Variants in DZANK1 observed in about 807,000 individuals in gnomAD.
DZANK1 encodes double zinc ribbon and ankyrin repeat-containing protein 1.
In DZANK1, 91 loss-of-function variants were observed where a neutral mutation model predicts 94.5. That is an observed-to-expected ratio of 0.96 (90% CI 0.81 to 1.15). The LOEUF (loss-of-function observed/expected upper bound fraction) is 1.15, where lower values mean the gene tolerates loss of function less well. Ranked by LOEUF, DZANK1 falls within the 50% of genes most tolerant of loss-of-function variation. The pLI is 0.00. For missense variants in DZANK1, 903 were observed against 916.4 expected, an observed-to-expected ratio of 0.99 and a Z score of 0.19; for synonymous variants, 312 against 325.3, an observed-to-expected ratio of 0.96 and a Z score of 0.44.
At chr20:18,430,770 T>A (rs568620646) in intron 9 of DZANK1, among the ~76,000 whole-genome samples, 2 of 152,236 alleles carry the variant, frequency 1.3e-5, no homozygotes, top group Admixed American at 1.3e-4. Flanking sequence ...GCCATGATCG[T>A]GCCACTGCAC....
In DZANK1 at chr20:18,451,065, C is replaced by A. The variant is rs536933299; in HGVS notation, c.543+1550G>T. Among the ~76,000 whole-genome samples, 4 of 152,302 alleles carry A rather than the reference C, an allele frequency of 2.6e-5. No individual in the cohort carries two copies. The East Asian group carries it at 7.7e-4, about 29-fold the overall frequency. On this transcript the variant is annotated intron_variant, in intron 6 of 20. Coordinates refer to ENST00000262547, the Ensembl canonical transcript of DZANK1. ...AGTTCAAGCGATTCTTCTGCCTCAG[C>A]CTCCCGAGTAGCTGGGACTACAGGT...
chr20:18,408,131 C>A (rs2057050866), intron 13 of DZANK1, among the ~76,000 whole-genome samples: 1 of 152,098 alleles, frequency 6.6e-6, no homozygotes, highest in South Asian at 2.1e-4. Flanking sequence ...GCCTGGCCAA[C>A]AGGGTGAAAC....
At chr20:18,451,440 C>T (rs2059098023) in intron 6 of DZANK1, among the ~76,000 whole-genome samples, 1 of 152,172 alleles carries the variant, frequency 6.6e-6, no homozygotes, top group Non-Finnish European at 1.5e-5. Flanking sequence ...GCTCCTCCTC[C>T]CCTGCTCAAC....
At chr20:18,437,691 C>T (rs555624913) in intron 8 of DZANK1, among the ~76,000 whole-genome samples, 11 of 151,950 alleles carry the variant, frequency 7.2e-5, no homozygotes, top group Non-Finnish European at 1.6e-4. Context: ...TGTGATATAC[C>T]CCATCTTCCA....
At chr20:18,454,024 C>T in intron 4 of DZANK1, 197 bp from the exon 5 acceptor site, 1 of 684,242 alleles carries the variant, frequency 1.5e-6, no homozygotes, top group Non-Finnish European at 2.7e-6. Context: ...GCTGGCAGCA[C>T]ATCTGGATGT....
intron 9 of DZANK1, among the ~76,000 whole-genome samples, chr20:18,429,621 A>T (rs2058199755): frequency 6.6e-6 from 1 of 152,148 alleles, no homozygotes; most frequent in African/African-American, 2.4e-5. Flanking sequence ...CATGGTTTAC[A>T]TTAGGGTCCA....
intron 12 of DZANK1, among the ~76,000 whole-genome samples, chr20:18,413,458 T>C (rs1344349884): frequency 6.6e-6 from 1 of 152,160 alleles, no homozygotes; most frequent in African/African-American, 2.4e-5. Flanking sequence ...AGTGGCAGTT[T>C]AGGATTTAAA....
intron 1 of DZANK1, among the ~76,000 whole-genome samples, chr20:18,466,551 C>T (rs1403176981): frequency 6.6e-6 from 1 of 152,150 alleles, no homozygotes. Context: ...GAGACTTGCC[C>T]ATAGTCGCAT....
intron 19 of DZANK1, among the ~76,000 whole-genome samples, chr20:18,388,025 G>A (rs866215022): frequency 1.7e-4 from 26 of 152,338 alleles, no homozygotes; most frequent in African/African-American, 6.3e-4. Context: ...CTATGGGGCA[G>A]AGGCTGGGCT....
At chr20:18,436,004 A>G (rs543687594) in intron 8 of DZANK1, among the ~76,000 whole-genome samples, 1 of 152,246 alleles carries the variant, frequency 6.6e-6, no homozygotes, top group African/African-American at 2.4e-5. Flanking sequence ...TCAAGAAAAA[A>G]CTTATGAGAC....
At chr20:18,433,541 C>CA (rs112253557) in intron 9 of DZANK1, 111 bp downstream of exon 9, 98,457 of 740,970 alleles carry the variant, frequency 0.13, 84 homozygotes, top group Non-Finnish European at 0.14. Context: ...GATTCTGTCT[C>CA]AAAAAAAAAA....
chr20:18,465,360 TTCTCTCTC>T, exon 2 of DZANK1: 3 of 1,014,848 alleles, frequency 3.0e-6, no homozygotes, highest in Non-Finnish European at 2.8e-6. Flanking sequence ...AGCAGTCATT[TTCTCTCTC>T]TCTCTCTCTC....
At chr20:18,393,889 G>A (rs373542823) in intron 16 of DZANK1, 78 bp from the exon 17 acceptor site, 19 of 990,380 alleles carry the variant, frequency 1.9e-5, no homozygotes, top group South Asian at 8.7e-5. Flanking sequence ...TTACTTCCAC[G>A]TCCCTCAAAA....
chr20:18,399,178 G>C (rs926957629), intron 13 of DZANK1, among the ~76,000 whole-genome samples: 9 of 151,484 alleles, frequency 5.9e-5, no homozygotes, highest in African/African-American at 9.7e-5. Flanking sequence ...CCACACATGG[G>C]GTCTTTTCTT....
intron 6 of DZANK1, among the ~76,000 whole-genome samples, chr20:18,451,437 C>A (rs61469582): frequency 0.015 from 2,311 of 152,254 alleles, 52 homozygotes; most frequent in African/African-American, 0.053. Flanking sequence ...CAGGCTCCTC[C>A]TCCCCTGCTC....
At chr20:18,423,061 A>G (rs2057870682) in intron 10 of DZANK1, among the ~76,000 whole-genome samples, 1 of 152,108 alleles carries the variant, frequency 6.6e-6, no homozygotes, top group Non-Finnish European at 1.5e-5. Flanking sequence ...TCCACATATG[A>G]CAGTGGGCCC....
chr20:18,447,961 C>T (rs2058942812), intron 7 of DZANK1, among the ~76,000 whole-genome samples: 1 of 152,096 alleles, frequency 6.6e-6, no homozygotes, highest in African/African-American at 2.4e-5. Flanking sequence ...AACGTGTATA[C>T]ATAATGACTT....
Position 18,435,763 on chromosome 20 carries a change from T to TTAA in DZANK1, c.748-1999_748-1998insTTA, listed in dbSNP as rs1555876782. 2.5e-3 allele frequency among the ~76,000 whole-genome samples: 352 copies of TTAA among 138,872 alleles called. 5 individuals carry two copies. Among genetic ancestry groups the TTAA allele is most frequent in the Admixed American group, 0.021 (296 of 13,884 alleles). The allele number at this position is 138,872 out of a possible 152,430, so 91.1% of individuals were successfully genotyped here. On this transcript the variant is annotated intron_variant, in intron 8 of 20. Transcript: ENST00000262547. ...GTATCCCAGAACTTAAAAGTATAAT[T>TTAA]AAAAAAAAAAAAAGCTGCTTCTCTG...
rs1292907020 is a variant in DZANK1 at position 18,393,694 on chromosome 20, C to CA, written c.1809+16dup. 1 of 1,545,352 alleles carries CA rather than the reference C, an allele frequency of 6.5e-7. No individual in the cohort carries two copies. The highest frequency in any genetic ancestry group is 8.9e-7 in the Non-Finnish European group (1 of 1,125,446). Reference sequence around the variant, plus strand: ...GGCTGAAGACAACATCCACAAGGACCAAAAAAAGACACTTACTATAAGCTG... The same window carrying CA: ...GGCTGAAGACAACATCCACAAGGACCAAAAAAAAGACACTTACTATAAGCTG... On this transcript the variant is annotated intron_variant, in intron 17 of 20. Coordinates refer to ENST00000262547, the Ensembl canonical transcript of DZANK1.
Sources: gnomAD v4.1 joint callset for allele counts (sites outside exome capture counted in the v4.1 genomes callset) on GRCh38, gnomAD v4.1.1 for gene constraint, MANE v1.5 for transcripts, NCBI Gene and HGNC (gene_info 2026-07-23, HGNC 2026-07-21) for gene names.